Variants in ASIC2 observed in about 807,000 individuals in gnomAD.
The protein encoded by ASIC2 is acid-sensing ion channel 2.
In ASIC2, 25 loss-of-function variants were observed where a neutral mutation model predicts 57.3. That is an observed-to-expected ratio of 0.44 (90% CI 0.32 to 0.61). The LOEUF (loss-of-function observed/expected upper bound fraction) is 0.61, where lower values mean the gene tolerates loss of function less well. ASIC2 is among the 20% of genes least tolerant of loss of function. The pLI is 0.06. For missense variants in ASIC2, 641 were observed against 738.1 expected (o/e 0.87, Z 1.52); for synonymous variants, 319 against 307.5 (o/e 1.04, Z -0.39).
At chr17:33,344,949 T>G (rs1907885523) in intron 1 of ASIC2, among the ~76,000 whole-genome samples, 1 of 151,614 alleles carries the variant, frequency 6.6e-6, no homozygotes, top group South Asian at 2.1e-4. Flanking sequence ...TTTTTTTAGC[T>G]GGGGACAGCG....
chr17:33,734,876 T>A (rs145534641), intron 1 of ASIC2, among the ~76,000 whole-genome samples: 105 of 152,260 alleles, frequency 6.9e-4, no homozygotes, highest in African/African-American at 2.0e-3. Context: ...AGAAAATAAA[T>A]TTCTGTTGTT....
chr17:33,660,726 A>G (rs1294339186), intron 1 of ASIC2, among the ~76,000 whole-genome samples: 2 of 152,216 alleles, frequency 1.3e-5, no homozygotes. Flanking sequence ...CTATGATACC[A>G]CATCAGTAGG....
At position 33,678,793 on chromosome 17, in the gene ASIC2, G is replaced by A. The variant is rs1014103430; in HGVS notation, c.555+477185C>T. Among the ~76,000 whole-genome samples the A allele has an allele frequency of 2.6e-5, 4 of 152,078 alleles. No homozygotes were observed. In the South Asian group the frequency reaches 8.3e-4, roughly 32 times the overall value. On this transcript the variant is annotated intron_variant, in intron 1 of 9. Transcript: ENST00000359872. ...GCAAATGAGAGTGCCCACATCCCAG[G>A]GGGCATCAGTCAGCGGGCATCCCAG...
intron 3 of ASIC2, among the ~76,000 whole-genome samples, chr17:33,087,943 G>T (rs2092141396): frequency 6.6e-6 from 1 of 152,110 alleles, no homozygotes; most frequent in Admixed American, 6.6e-5. Flanking sequence ...TGACATTTGA[G>T]CCAAATTTTA....
At chr17:33,850,201 C>A (rs1913726812) in intron 1 of ASIC2, among the ~76,000 whole-genome samples, 1 of 152,148 alleles carries the variant, frequency 6.6e-6, no homozygotes, top group South Asian at 2.1e-4. Context: ...TTGGAAGGGA[C>A]CATGGGAGTG....
chr17:33,328,574 C>T (rs1907173153), intron 1 of ASIC2, among the ~76,000 whole-genome samples: 2 of 152,154 alleles, frequency 1.3e-5, no homozygotes, highest in South Asian at 4.1e-4. Flanking sequence ...GTGATAGAGA[C>T]ACAACCTCTT....
intron 1 of ASIC2, among the ~76,000 whole-genome samples, chr17:33,270,158 G>A (rs965284926): frequency 1.6e-4 from 25 of 152,144 alleles, no homozygotes; most frequent in Non-Finnish European, 3.5e-4. Context: ...AAAATTAATA[G>A]CTTACCTTTT....
intron 1 of ASIC2, among the ~76,000 whole-genome samples, chr17:33,130,836 G>A (rs976234252): frequency 2.0e-5 from 3 of 152,182 alleles, no homozygotes; most frequent in Non-Finnish European, 4.4e-5. Context: ...TGCGGAGAGG[G>A]GAGTGGAGCG....
intron 1 of ASIC2, among the ~76,000 whole-genome samples, chr17:33,888,861 T>C (rs317372): frequency 0.26 from 40,031 of 152,054 alleles, 5,464 homozygotes; most frequent in Middle Eastern, 0.37. Flanking sequence ...CATTGGCTAC[T>C]TTTGTGGTTC....
At chr17:33,943,534 GTT>G (rs1176590059) in intron 1 of ASIC2, among the ~76,000 whole-genome samples, 2 of 152,152 alleles carry the variant, frequency 1.3e-5, no homozygotes, top group African/African-American at 4.8e-5. Context: ...CCAATTTACA[GTT>G]GAGGCTGCAG....
intron 1 of ASIC2, among the ~76,000 whole-genome samples, chr17:34,120,359 T>C (rs1911570785): frequency 6.6e-6 from 1 of 152,192 alleles, no homozygotes; most frequent in South Asian, 2.1e-4. Flanking sequence ...CTCCTGCTTT[T>C]TTCCCAGCTC....
intron 2 of ASIC2, among the ~76,000 whole-genome samples, chr17:33,099,579 A>G (rs1030846440): frequency 6.6e-6 from 1 of 152,226 alleles, no homozygotes; most frequent in Non-Finnish European, 1.5e-5. Context: ...AGTTGGGGGT[A>G]GTCTCATTAC....
intron 1 of ASIC2, among the ~76,000 whole-genome samples, chr17:33,124,152 T>G (rs2092314116): frequency 6.6e-6 from 1 of 152,186 alleles, no homozygotes. Flanking sequence ...CTTATTAAAG[T>G]CATATTTCAG....
intron 1 of ASIC2, among the ~76,000 whole-genome samples, chr17:33,264,455 C>T (rs955108739): frequency 1.3e-5 from 2 of 152,214 alleles, no homozygotes; most frequent in African/African-American, 4.8e-5. Context: ...AAGCAAATTG[C>T]CCAGAGTCAC....
At chr17:33,418,066 G>GTGTA (rs2141969613) in intron 1 of ASIC2, among the ~76,000 whole-genome samples, 1 of 141,362 alleles carries the variant, frequency 7.1e-6, no homozygotes, top group South Asian at 2.3e-4. Context: ...GTGTGTGTGT[G>GTGTA]TGTGTGTGTG....
chr17:34,073,094 G>C (rs1426544115), intron 1 of ASIC2, among the ~76,000 whole-genome samples: 1 of 152,164 alleles, frequency 6.6e-6, no homozygotes. Context: ...AAGTTCCATG[G>C]AGTAAATGAC....
intron 3 of ASIC2, among the ~76,000 whole-genome samples, chr17:33,074,198 G>C (rs1373182747): frequency 6.6e-6 from 1 of 152,184 alleles, no homozygotes; most frequent in Non-Finnish European, 1.5e-5. Context: ...ATAGATGGAG[G>C]TGCTATGGGT....
intron 1 of ASIC2, among the ~76,000 whole-genome samples, chr17:33,531,675 C>A (rs1401562837): frequency 6.6e-6 from 1 of 152,200 alleles, no homozygotes; most frequent in Non-Finnish European, 1.5e-5. Context: ...TGGGTCACGA[C>A]TTCCTAGGGC....
chr17:34,041,808 C>T (rs1908144333), intron 1 of ASIC2, among the ~76,000 whole-genome samples: 1 of 152,194 alleles, frequency 6.6e-6, no homozygotes, highest in African/African-American at 2.4e-5. Flanking sequence ...GAAGAAAACA[C>T]ATACTGCAAT....
Sources: allele counts gnomAD v4.1 joint callset (sites outside exome capture counted in the v4.1 genomes callset), GRCh38; gene constraint gnomAD v4.1.1; transcripts MANE v1.5; gene names NCBI Gene and HGNC (gene_info 2026-07-23, HGNC 2026-07-21).